The following EPHB2 variants were observed in gnomAD, a reference collection of about 807,000 sequenced individuals.
EPHB2 encodes the protein EPH receptor B2.
In EPHB2, 18 loss-of-function variants were observed where a neutral mutation model predicts 96.4. The ratio of observed to expected loss-of-function variants is 0.19; its 90% confidence interval spans 0.13 to 0.28. The LOEUF (loss-of-function observed/expected upper bound fraction) is 0.28. Ranked by LOEUF, EPHB2 falls within the 10% of genes least tolerant of loss-of-function variation. EPHB2 has a pLI of 1.00. For synonymous variants in EPHB2, 506 were observed against 534.1 expected (o/e 0.95, Z 0.72); for missense variants, 989 against 1,355.4 (o/e 0.73, Z 4.25).
intron 3 of EPHB2, among the ~76,000 whole-genome samples, chr1:22,832,943 T>C (rs1215767242): frequency 6.6e-6 from 1 of 152,098 alleles, no homozygotes; most frequent in African/African-American, 2.4e-5. Flanking sequence ...TGAATACACA[T>C]GTATACAGAC....
chr1:22,756,623 G>C (rs1228980783), intron 1 of EPHB2, among the ~76,000 whole-genome samples: 1 of 152,134 alleles, frequency 6.6e-6, no homozygotes, highest in Non-Finnish European at 1.5e-5. Context: ...TGGTGGGAGA[G>C]GGGAGAGCTG....
intron 3 of EPHB2, among the ~76,000 whole-genome samples, chr1:22,806,726 C>T (rs1644932712): frequency 6.6e-6 from 1 of 152,252 alleles, no homozygotes; most frequent in Non-Finnish European, 1.5e-5. Flanking sequence ...CGGCCCAGCG[C>T]CTGCATAGGC....
chr1:22,758,954 T>TGATG (rs933915030), intron 1 of EPHB2, among the ~76,000 whole-genome samples: 306 of 149,938 alleles, frequency 2.0e-3, no homozygotes, highest in African/African-American at 6.4e-3. Context: ...GATGGATGGA[T>TGATG]GATGGATGGA....
chr1:22,774,656 C>T (rs1644422579), intron 1 of EPHB2: 3 of 981,872 alleles, frequency 3.1e-6, no homozygotes, highest in South Asian at 4.7e-5. Flanking sequence ...AGCTGGCCTG[C>T]TTGGCAGGGG....
Position 22,912,783 on chromosome 1 carries a change from A to G in EPHB2, c.2852+184A>G, listed in dbSNP as rs1044282561. 1.4e-5 allele frequency: 11 copies of G among 791,676 alleles called. No homozygotes were observed. The African/African-American group carries it at 1.5e-4, about 11-fold the overall frequency. The allele number at this position is 791,676 out of a possible 1,614,324, so 49.0% of individuals were successfully genotyped here. ...TGATACCCAGGTCTGCCTGCCACCT[A>G]CAAGCTCTGTGACCTTGGTCAAATC... On this transcript the variant is annotated intron_variant, in intron 15 of 15. Coordinates refer to ENST00000374630, the MANE Select transcript of EPHB2 (RefSeq NM_017449.5).
intron 3 of EPHB2, among the ~76,000 whole-genome samples, chr1:22,828,996 T>C (rs1240862567): frequency 6.6e-6 from 1 of 152,228 alleles, no homozygotes; most frequent in Non-Finnish European, 1.5e-5. Context: ...AATTATAGAA[T>C]GCTATAGTAA....
chr1:22,822,197 G>A (rs1557695628), intron 3 of EPHB2, among the ~76,000 whole-genome samples: 1 of 152,098 alleles, frequency 6.6e-6, no homozygotes, highest in Non-Finnish European at 1.5e-5. Flanking sequence ...AAGGTGAAGG[G>A]ATGAGCCGGG....
intron 1 of EPHB2, among the ~76,000 whole-genome samples, chr1:22,752,737 T>C (rs1644083537): frequency 6.6e-6 from 1 of 151,738 alleles, no homozygotes; most frequent in African/African-American, 2.4e-5. Flanking sequence ...TGTATTTTAA[T>C]ATTTATAAAG....
intron 1 of EPHB2, among the ~76,000 whole-genome samples, chr1:22,730,715 G>A (rs1022369729): frequency 2.0e-5 from 3 of 152,122 alleles, no homozygotes; most frequent in Admixed American, 1.3e-4. Flanking sequence ...GGCAGCCAGC[G>A]TGGCTGGAGC....
At chr1:22,777,696 G>A (rs1450082465) in intron 1 of EPHB2, among the ~76,000 whole-genome samples, 3 of 152,226 alleles carry the variant, frequency 2.0e-5, no homozygotes, top group Non-Finnish European at 4.4e-5. Context: ...CGGAGCAAGA[G>A]ACTGATGCTT....
At chr1:22,912,813 C>T in intron 15 of EPHB2, 1 of 639,414 alleles carries the variant, frequency 1.6e-6, no homozygotes, top group Non-Finnish European at 2.8e-6. Context: ...CAAATCATAG[C>T]ACCTCCCTCA....
intron 3 of EPHB2, among the ~76,000 whole-genome samples, chr1:22,830,063 G>C (rs528115862): frequency 3.9e-5 from 6 of 152,290 alleles, no homozygotes; most frequent in African/African-American, 1.4e-4. Flanking sequence ...CTGGTGGGAA[G>C]GGGGGACTAG....
intron 4 of EPHB2, among the ~76,000 whole-genome samples, chr1:22,864,324 G>C (rs1215051136): frequency 0.013 from 1,929 of 152,312 alleles, 38 homozygotes; most frequent in African/African-American, 0.042. Context: ...GGGATTACAG[G>C]TGTTAGCCAC....
intron 3 of EPHB2, among the ~76,000 whole-genome samples, chr1:22,785,523 G>A (rs1460752092): frequency 6.6e-6 from 1 of 152,226 alleles, no homozygotes; most frequent in Non-Finnish European, 1.5e-5. Context: ...AACAATAAAA[G>A]TTTATTTCTC....
chr1:22,789,278 T>C (rs61264369), intron 3 of EPHB2, among the ~76,000 whole-genome samples: 183 of 152,294 alleles, frequency 1.2e-3, no homozygotes, highest in African/African-American at 4.2e-3. Context: ...GCATTTAATA[T>C]TGAGATATAA....
chr1:22,818,146 C>T (rs1433268626), intron 3 of EPHB2, among the ~76,000 whole-genome samples: 2 of 152,132 alleles, frequency 1.3e-5, no homozygotes, highest in African/African-American at 4.8e-5. Context: ...TCACCCTCTG[C>T]CAGACCACGT....
At chr1:22,854,204 G>A (rs556339037) in intron 3 of EPHB2, among the ~76,000 whole-genome samples, 1 of 152,262 alleles carries the variant, frequency 6.6e-6, no homozygotes, top group Admixed American at 6.5e-5. Context: ...TTAAGGATGG[G>A]GGTTTTAGAA....
chr1:22,721,166 G>T (rs1239476901), intron 1 of EPHB2, among the ~76,000 whole-genome samples: 2 of 152,190 alleles, frequency 1.3e-5, no homozygotes, highest in Non-Finnish European at 2.9e-5. Flanking sequence ...AAAGGCATGG[G>T]CCAGTTATTG....
chr1:22,804,172 C>T (rs776627136), intron 3 of EPHB2, among the ~76,000 whole-genome samples: 2 of 152,156 alleles, frequency 1.3e-5, no homozygotes, highest in Non-Finnish European at 2.9e-5. Flanking sequence ...CCTTTCCCAC[C>T]ATCCCAGGCT....
Sources: gnomAD v4.1 joint callset for allele counts (sites outside exome capture counted in the v4.1 genomes callset) on GRCh38, gnomAD v4.1.1 for gene constraint, MANE v1.5 for transcripts, NCBI Gene and HGNC (gene_info 2026-07-23, HGNC 2026-07-21) for gene names.